Variants in SLC30A6 observed in about 807,000 individuals in gnomAD.
SLC30A6 encodes zinc transporter 6.
A neutral mutation model predicts 63.0 loss-of-function variants in SLC30A6; 55 were observed. The ratio of observed to expected loss-of-function variants is 0.87; its 90% CI spans 0.70 to 1.09. The LOEUF is 1.09. Ranked by LOEUF, SLC30A6 falls within the 50% of genes least tolerant of loss-of-function variation. The pLI is 0.00. For missense variants in SLC30A6, 587 were observed against 549.2 expected (o/e 1.07, Z -0.69); for synonymous variants, 224 against 186.1 (o/e 1.20, Z -1.66).
intron 13 of SLC30A6, among the ~76,000 whole-genome samples, chr2:32,213,355 T>C (rs969315032): frequency 5.4e-5 from 8 of 149,332 alleles, no homozygotes; most frequent in Non-Finnish European, 1.0e-4. Context: ...TCGAGACTCA[T>C]AGGGCTCAGA....
chr2:32,180,451 CAG>C (rs943064212), intron 4 of SLC30A6, among the ~76,000 whole-genome samples: 4 of 151,530 alleles, frequency 2.6e-5, no homozygotes, highest in African/African-American at 9.7e-5. Flanking sequence ...ATTTTTGAGA[CAG>C]GGCCTCATCC....
chr2:32,208,503 C>T (rs1367283573), intron 12 of SLC30A6, among the ~76,000 whole-genome samples: 1 of 151,946 alleles, frequency 6.6e-6, no homozygotes, highest in Non-Finnish European at 1.5e-5. Flanking sequence ...TGGTCTTGAA[C>T]TCCTGCTCTC....
chr2:32,185,083 C>A (rs1233494075), intron 5 of SLC30A6, among the ~76,000 whole-genome samples: 3 of 152,116 alleles, frequency 2.0e-5, no homozygotes, highest in Admixed American at 2.0e-4. Flanking sequence ...TCCATAATTA[C>A]TGAGGCCAGG....
chr2:32,200,615 C>T (rs950568725), intron 10 of SLC30A6, among the ~76,000 whole-genome samples: 2 of 151,008 alleles, frequency 1.3e-5, no homozygotes, highest in East Asian at 1.9e-4. Flanking sequence ...GGATTAAGGG[C>T]GGTGCAAGAT....
intron 10 of SLC30A6, chr2:32,203,685 T>C (rs1428587137): frequency 2.6e-6 from 4 of 1,546,858 alleles, no homozygotes; most frequent in Non-Finnish European, 3.6e-6. Flanking sequence ...TGAAAGGAAA[T>C]GTGCGTGTTT....
At position 32,194,739 on chromosome 2, in the gene SLC30A6, A is replaced by G. The variant is rs1466043110; in HGVS notation, c.496+756A>G. On this transcript the variant is annotated intron_variant, in intron 8 of 13. Coordinates refer to ENST00000282587, the MANE Select transcript of SLC30A6 (RefSeq NM_017964.5). ...TTCTGAAATGCCCATTCAAGTTTAA[A>G]CAACTTCATGAATGTTATGAAGATA... is the stretch of plus-strand genomic sequence containing the variant. Among the ~76,000 whole-genome samples the G allele has an allele frequency of 2.0e-5, 3 of 152,210 alleles. No homozygotes were observed. The East Asian group carries it at 5.8e-4, about 29-fold the overall frequency.
chr2:32,181,366 A>G (rs1168004257), intron 4 of SLC30A6, among the ~76,000 whole-genome samples: 1 of 152,214 alleles, frequency 6.6e-6, no homozygotes, highest in Non-Finnish European at 1.5e-5. Context: ...TTGTAAGACT[A>G]ACCCTGATTT....
rs769441160 is a variant in SLC30A6 at position 32,196,019 on chromosome 2, TA to T, written c.497-1316del. Reference sequence around the variant, plus strand: ...GGGAAACATAGCAAGACTCTGGCTTTAAAAAAAAATGAAGGCTGGGTCTGGT... The same window carrying T: ...GGGAAACATAGCAAGACTCTGGCTTTAAAAAAAATGAAGGCTGGGTCTGGT... On this transcript the variant is annotated intron_variant, in intron 8 of 13. Transcript: ENST00000282587. Among the ~76,000 whole-genome samples the T allele has an allele frequency of 2.4e-3, 356 of 150,790 alleles. 1 individual carries two copies. The highest frequency in any genetic ancestry group is 5.9e-3 in the South Asian group (28 of 4,780).
chr2:32,180,425 AG>A (rs1430470883), intron 4 of SLC30A6, among the ~76,000 whole-genome samples: 2 of 151,262 alleles, frequency 1.3e-5, no homozygotes, highest in Non-Finnish European at 3.0e-5. Context: ...AAAAAAAAAA[AG>A]GATTTTATTT....
intron 11 of SLC30A6, 92 bp from the exon 12 acceptor site, chr2:32,206,794 C>CTTA (rs1684812427): frequency 2.3e-5 from 23 of 987,992 alleles, no homozygotes; most frequent in Non-Finnish European, 1.9e-5. Context: ...CAAAGGCTGG[C>CTTA]TTAAAATCCT....
chr2:32,203,550 A>T (rs752840312), intron 10 of SLC30A6: 64 of 1,604,552 alleles, frequency 4.0e-5, no homozygotes, highest in Non-Finnish European at 5.1e-5. Context: ...ATCACCTCTG[A>T]TAGGGATTTG....
chr2:32,195,857 T>A (rs1212457953), intron 8 of SLC30A6, among the ~76,000 whole-genome samples: 1 of 152,126 alleles, frequency 6.6e-6, no homozygotes, highest in Non-Finnish European at 1.5e-5. Context: ...TATATTTTCA[T>A]TAGCTGGAAA....
chr2:32,192,711 G>A (rs1683441713), intron 6 of SLC30A6, among the ~76,000 whole-genome samples: 1 of 152,044 alleles, frequency 6.6e-6, no homozygotes, highest in South Asian at 2.1e-4. Context: ...GAGAAAGATA[G>A]ACATTACATA....
intron 5 of SLC30A6, among the ~76,000 whole-genome samples, chr2:32,189,767 C>T (rs1190357818): frequency 6.6e-6 from 1 of 151,598 alleles, no homozygotes; most frequent in African/African-American, 2.4e-5. Context: ...TCCCACCATG[C>T]CTGGCTAATT....
chr2:32,224,155 T>C lies in SLC30A6; in HGVS notation c.*3442T>C, dbSNP rs762386806. On this transcript the variant is annotated 3_prime_UTR_variant, in exon 14 of 14. Coordinates refer to ENST00000282587, the MANE Select transcript of SLC30A6 (RefSeq NM_017964.5). ...CAGTAGCTATTAATAATTTATCTCA[T>C]ATTCAGCGAATATTTATTGAGAATA... The C allele has an allele frequency of 1.0e-4, 21 of 207,590 alleles. No homozygotes were observed. Among genetic ancestry groups the C allele is most frequent in the Admixed American group, 3.3e-4 (6 of 18,022 alleles). 12.9% of individuals were successfully genotyped at this position (207,590 alleles called of 1,614,324 possible). A position where few individuals can be genotyped will look rare whatever the true frequency, so the allele number is the denominator to read the frequency against.
chr2:32,194,137 A>G (rs1683576369), intron 8 of SLC30A6, among the ~76,000 whole-genome samples, 154 bp downstream of exon 8: 1 of 152,222 alleles, frequency 6.6e-6, no homozygotes, highest in African/African-American at 2.4e-5. Context: ...TTTAAGTGGA[A>G]AATTATAAAA....
intron 8 of SLC30A6, 119 bp downstream of exon 8, chr2:32,194,102 C>A (rs1683573580): frequency 1.0e-5 from 7 of 696,264 alleles, no homozygotes; most frequent in Non-Finnish European, 1.6e-5. Context: ...CAAGAGAGAA[C>A]TAGCCCAAAT....
At chr2:32,215,231 G>A (rs911658663) in intron 13 of SLC30A6, among the ~76,000 whole-genome samples, 2 of 152,008 alleles carry the variant, frequency 1.3e-5, no homozygotes, top group African/African-American at 4.8e-5. Flanking sequence ...GTCTGGCTCT[G>A]TTGCCCAGCC....
intron 4 of SLC30A6, among the ~76,000 whole-genome samples, chr2:32,184,021 T>C (rs934087646): frequency 3.3e-5 from 5 of 152,328 alleles, no homozygotes; most frequent in Non-Finnish European, 7.4e-5. Flanking sequence ...ACTGACTTGA[T>C]GTATTATAAC....
Sources: allele counts gnomAD v4.1 joint callset (sites outside exome capture counted in the v4.1 genomes callset), GRCh38; gene constraint gnomAD v4.1.1; transcripts MANE v1.5; gene names NCBI Gene and HGNC (gene_info 2026-07-23, HGNC 2026-07-21).